KIAA0586: variants seen among roughly 807,000 people sequenced by gnomAD.
The protein encoded by KIAA0586 is KIAA0586.
KIAA0586 carries 144 observed loss-of-function variants against 169.8 expected under a neutral mutation model. The ratio of observed to expected loss-of-function variants is 0.85; its 90% confidence interval spans 0.74 to 0.97. KIAA0586 has a LOEUF of 0.97. Among genes scored for constraint, KIAA0586 ranks in the 50% least tolerant of loss-of-function variants. KIAA0586 has a pLI of 0.00. For missense variants in KIAA0586, 1,854 were observed against 1,823.0 expected, an observed-to-expected ratio of 1.02 and a Z score of -0.31; for synonymous variants, 625 against 612.4, an observed-to-expected ratio of 1.02 and a Z score of -0.30.
chr14:58,560,584 T>C, the KIAA0586 span, among the ~76,000 whole-genome samples: 1 of 152,226 alleles, frequency 6.6e-6, no homozygotes, highest in Non-Finnish European at 1.5e-5. Context: ...AATTTGTTTC[T>C]CGTTGTTTCA....
Position 58,498,843 on chromosome 14 carries a change from G to A in KIAA0586, c.4051G>A (p.Ala1351Thr). 1 of 1,611,612 alleles carries A rather than the reference G, an allele frequency of 6.2e-7. No individual in the cohort carries two copies. The highest frequency in any genetic ancestry group is 8.5e-7 in the Non-Finnish European group (1 of 1,178,834). The change falls in exon 27 of 31, where the codon GCA becomes ACA. Residue 1351 changes from alanine (A) to threonine (T), a missense_variant. By Grantham distance (58) the Ala-to-Thr change is moderately conservative (BLOSUM62 0). Transcript: ENST00000652326. ...EGQRPQLTAA[A>T]ENILMGHSLY... ...ACAAAGACCCCAGCTAACAGCGGCA[G>A]CAGAGAACATCTTAATGGGACATTC... is the stretch of plus-strand genomic sequence containing the variant.
chr14:58,443,079 A>C (rs145066811), intron 5 of KIAA0586, among the ~76,000 whole-genome samples, 199 bp downstream of exon 5: 1 of 152,334 alleles, frequency 6.6e-6, no homozygotes, highest in Non-Finnish European at 1.5e-5. Context: ...CTGTGATGGC[A>C]CTGGTGAATT....
intron 16 of KIAA0586, among the ~76,000 whole-genome samples, 173 bp downstream of exon 16, chr14:58,468,095 G>A (rs1639406464): frequency 6.6e-6 from 1 of 152,004 alleles, no homozygotes; most frequent in South Asian, 2.1e-4. Context: ...GCCCAGTCTG[G>A]AGGGCAATGG....
chr14:58,540,558 G>GA lies in KIAA0586; in HGVS notation c.4495+428dup, dbSNP rs767051511. ...TCACATTAACGATTGCTTTTTAGAGGAAAAAATTGGAGTTGTTTTTACAGG... is the reference window on the plus strand; with the variant it reads ...TCACATTAACGATTGCTTTTTAGAGGAAAAAAATTGGAGTTGTTTTTACAGG... On this transcript the variant is annotated intron_variant, in intron 30 of 30. Coordinates refer to ENST00000652326, the MANE Select transcript of KIAA0586 (RefSeq NM_001329943.3). 3.9e-5 allele frequency among the ~76,000 whole-genome samples: 6 copies of GA among 152,216 alleles called. No individual in the cohort carries two copies. The East Asian group carries it at 9.6e-4, about 24-fold the overall frequency.
chr14:58,494,225 T>TG, intron 26 of KIAA0586, among the ~76,000 whole-genome samples: 1 of 152,028 alleles, frequency 6.6e-6, no homozygotes, highest in East Asian at 1.9e-4. Context: ...TTCTCCATTC[T>TG]GGGAGAACTC....
chr14:58,512,501 T>C, intron 28 of KIAA0586, 21 bp from the exon 29 acceptor site: 1 of 1,276,486 alleles, frequency 7.8e-7, no homozygotes, highest in Non-Finnish European at 1.1e-6. Context: ...ATATTATGAC[T>C]TCATATCTTA....
intron 21 of KIAA0586, among the ~76,000 whole-genome samples, chr14:58,485,790 C>A (rs975693052): frequency 8.5e-5 from 13 of 152,132 alleles, no homozygotes; most frequent in Admixed American, 6.6e-4. Context: ...TCCCTAACTC[C>A]CAATTCTTCT....
intron 30 of KIAA0586, among the ~76,000 whole-genome samples, chr14:58,546,765 C>T (rs1257011327): frequency 6.6e-6 from 1 of 152,150 alleles, no homozygotes; most frequent in East Asian, 1.9e-4. Context: ...AAACTGCCTG[C>T]CCTCTGCCAC....
chr14:58,427,647 T>C, upstream of KIAA0586: 2 of 1,535,670 alleles, frequency 1.3e-6, no homozygotes, highest in Non-Finnish European at 1.7e-6. Flanking sequence ...GGTGAGTTTC[T>C]TGGCGCGCAT....
chr14:58,505,728 A>G (rs1484742493), intron 27 of KIAA0586, among the ~76,000 whole-genome samples: 2 of 151,980 alleles, frequency 1.3e-5, no homozygotes, highest in Non-Finnish European at 1.5e-5. Flanking sequence ...GGCCATTTGT[A>G]TGTGCTCCTA....
At chr14:58,521,727 G>T in intron 29 of KIAA0586, 1 of 846,838 alleles carries the variant, frequency 1.2e-6, no homozygotes, top group Non-Finnish European at 2.1e-6. Context: ...GAAGAAAATT[G>T]AAAAGGAACA....
intron 29 of KIAA0586, among the ~76,000 whole-genome samples, chr14:58,527,939 G>C (rs148057629): frequency 4.6e-5 from 7 of 152,098 alleles, no homozygotes; most frequent in Non-Finnish European, 1.0e-4. Flanking sequence ...AAGACCCATC[G>C]GTGTGCTGTA....
At chr14:58,479,804 C>G (rs2041904917) in intron 20 of KIAA0586, among the ~76,000 whole-genome samples, 1 of 152,128 alleles carries the variant, frequency 6.6e-6, no homozygotes, top group African/African-American at 2.4e-5. Context: ...TTCCATTGAA[C>G]TACCTTAACA....
chr14:58,545,818 A>T (rs746814264), intron 30 of KIAA0586, among the ~76,000 whole-genome samples: 1 of 151,994 alleles, frequency 6.6e-6, no homozygotes. Flanking sequence ...GGAGTTTGAG[A>T]CAAAGGAGTT....
rs567588658 is a variant in KIAA0586 at position 58,514,225 on chromosome 14, T to C, written c.4429+1598T>C. ...TGTGGGTTTTATTATTTTTTTTCTC[T>C]GATGAAACTCTGAGACATTGCCAAA... On this transcript the variant is annotated intron_variant, in intron 29 of 30. Coordinates refer to ENST00000652326, the MANE Select transcript of KIAA0586 (RefSeq NM_001329943.3). Among the ~76,000 whole-genome samples the C allele has an allele frequency of 5.5e-4, 83 of 152,182 alleles. No homozygotes were observed. The South Asian group carries it at 8.1e-3, about 15-fold the overall frequency.
At chr14:58,554,700 A>G (rs113902541), downstream of KIAA0586, among the ~76,000 whole-genome samples, 1 of 152,246 alleles carries the variant, frequency 6.6e-6, no homozygotes, top group African/African-American at 2.4e-5. Context: ...AAGGCCAGAT[A>G]GTAAATCTTC....
chr14:58,492,856 C>T (rs907952315), intron 26 of KIAA0586, among the ~76,000 whole-genome samples: 1 of 152,050 alleles, frequency 6.6e-6, no homozygotes, highest in Non-Finnish European at 1.5e-5. Context: ...GGATGACAGC[C>T]AAGAAATATT....
intron 29 of KIAA0586, among the ~76,000 whole-genome samples, chr14:58,536,575 C>CA (rs1178223524): frequency 6.6e-6 from 1 of 152,062 alleles, no homozygotes; most frequent in Admixed American, 6.6e-5. Flanking sequence ...CACTTGGCAC[C>CA]AGAGATAGCA....
At chr14:58,472,464 A>G (rs1242276921) in intron 18 of KIAA0586, among the ~76,000 whole-genome samples, 185 bp downstream of exon 18, 2 of 152,090 alleles carry the variant, frequency 1.3e-5, no homozygotes, top group South Asian at 2.1e-4. Context: ...TATATCACCT[A>G]TCTGCCTTCA....
Sources: gnomAD v4.1 joint callset for allele counts (sites outside exome capture counted in the v4.1 genomes callset) on GRCh38, gnomAD v4.1.1 for gene constraint, MANE v1.5 for transcripts, NCBI Gene and HGNC (gene_info 2026-07-23, HGNC 2026-07-21) for gene names.